OR2T27: variants seen among roughly 807,000 people sequenced by gnomAD.
OR2T27 encodes olfactory receptor 2T27.
For missense variants in OR2T27, 152 were observed against 397.2 expected (o/e 0.38, Z 5.25); for synonymous variants, 51 against 152.9 (o/e 0.33, Z 4.92).
intron 1 of OR2T27, among the ~76,000 whole-genome samples, chr1:248,652,137 GTT>G (rs1353393807): frequency 1.3e-5 from 2 of 149,768 alleles, no homozygotes; most frequent in African/African-American, 5.0e-5. Context: ...GTCCTCCAGA[GTT>G]AAACACACCA....
chr1:248,650,051 G>A lies in OR2T27; in HGVS notation c.834C>T (p.Tyr278=), dbSNP rs147773385. The change falls in exon 2 of 2, where the codon TAC becomes TAT. Residue 278 remains tyrosine, a synonymous_variant. Transcript: ENST00000460972. The part of the protein sequence containing the change: ...PEQDKAVSAF[Y]TILTPMLNPL... ...GATTGAGCATGGGAGTAAGGATGGT[G>A]TAGAAGGCAGATACAGCTTTGTCCT... 9,429 of 1,565,708 alleles carry A rather than the reference G, an allele frequency of 6.0e-3. 883 individuals carry two copies. In the African/African-American group the frequency reaches 0.13, roughly 22 times the overall value.
chr1:248,652,276 A>C (rs187207674), intron 1 of OR2T27, among the ~76,000 whole-genome samples: 1 of 151,100 alleles, frequency 6.6e-6, no homozygotes, highest in Non-Finnish European at 1.5e-5. Flanking sequence ...TTACGTTTCC[A>C]AACAACTTTG....
chr1:248,655,094 A>G (rs1395013738), intron 1 of OR2T27, among the ~76,000 whole-genome samples: 6 of 33,908 alleles, frequency 1.8e-4, no homozygotes, highest in African/African-American at 2.0e-4. Context: ...ACAAGGTGGA[A>G]TACTACGATT....
chr1:248,653,231 G>T (rs1262006837), intron 1 of OR2T27, among the ~76,000 whole-genome samples: 1 of 141,510 alleles, frequency 7.1e-6, no homozygotes, highest in African/African-American at 2.5e-5. Flanking sequence ...GGGGAGATAT[G>T]AGTGGCTCCA....
At chr1:248,652,853 TTTA>T (rs900144138) in intron 1 of OR2T27, among the ~76,000 whole-genome samples, 39 of 150,896 alleles carry the variant, frequency 2.6e-4, no homozygotes, top group African/African-American at 8.7e-4. Context: ...ATAATGTATC[TTTA>T]TTATTTTAAA....
intron 1 of OR2T27, among the ~76,000 whole-genome samples, chr1:248,653,617 G>A (rs1486154125): frequency 1.9e-5 from 1 of 52,966 alleles, no homozygotes; most frequent in South Asian, 2.0e-3. Context: ...TTATCACCAA[G>A]TTGTTAAATG....
In OR2T27 at chr1:248,649,986, G is replaced by A. The variant is rs1558180549; in HGVS notation, c.899C>T (p.Ala300Val). ...YSLRNKDVTG[A>V]LQKVVGRCVS... is the part of the protein sequence containing the mutation. ...ACACCTCCCCACAACCTTCTGTAGG[G>A]CCCCTGTGACATCCTTGTTCCTAAG... is the stretch of plus-strand genomic sequence containing the variant. The change falls in exon 2 of 2, where the codon GCC (alanine) becomes GTC (valine). Residue 300 changes from alanine (A) to valine (V), a missense_variant. Coordinates refer to ENST00000460972, the MANE Select transcript of OR2T27 (RefSeq NM_001001824.2). The A allele has an allele frequency of 1.9e-6, 3 of 1,578,286 alleles. 1 individual carries two copies. The highest frequency in any genetic ancestry group is 2.3e-5 in the East Asian group (1 of 43,546).
chr1:248,652,428 A>G (rs1167448963), intron 1 of OR2T27, among the ~76,000 whole-genome samples: 1 of 148,822 alleles, frequency 6.7e-6, no homozygotes, highest in Non-Finnish European at 1.5e-5. Flanking sequence ...TCATTCCATA[A>G]ATATTTCTCA....
At position 248,650,779 on chromosome 1, in the gene OR2T27, A is replaced by C. The variant is rs1782242; in HGVS notation, c.106T>G (p.Leu36Val). ...LLFALILLVF[L>V]TSIASNVVKI... ...ACCACGTTGCTGGCTATGGAGGTCA[A>C]AAAGACCAGGAGAATGAGGGCAAAG... The change falls in exon 2 of 2, where the codon TTG becomes GTG. Residue 36 changes from leucine to valine, a missense_variant. Physicochemically the swap from Leu to Val is conservative, Grantham distance 32. Transcript: ENST00000460972. The C allele has an allele frequency of 0.99, 1,589,423 of 1,604,912 alleles. 787,022 individuals are homozygous for C. Among genetic ancestry groups the C allele is most frequent in the East Asian group, 1 (44,704 of 44,704 alleles).
intron 1 of OR2T27, chr1:248,651,576 C>A (rs1661018779): frequency 1.9e-5 from 1 of 53,660 alleles, no homozygotes; most frequent in African/African-American, 3.4e-5. Context: ...CAGCAAACTA[C>A]CAATTATTAA....
chr1:248,649,978 T>A lies in OR2T27; in HGVS notation c.907A>T (p.Lys303Ter), dbSNP rs551078870. ...GAGGACACACACCTCCCCACAACCT[T>A]CTGTAGGGCCCCTGTGACATCCTTG... is the stretch of plus-strand genomic sequence containing the variant. ...RNKDVTGALQ[K>*]VVGRCVSSGK... Residue 303 changes from lysine to a stop codon, truncating the protein, a stop_gained, in exon 2 of 2, where the codon AAG becomes TAG. Coordinates refer to ENST00000460972, the MANE Select transcript of OR2T27 (RefSeq NM_001001824.2). LOFTEE classifies it low-confidence loss of function (END_TRUNC). The A allele has an allele frequency of 1.7e-5, 27 of 1,579,054 alleles. 3 individuals carry two copies. In the African/African-American group the frequency reaches 3.8e-4, roughly 22 times the overall value.
chr1:248,655,100 C>A lies in OR2T27; in HGVS notation c.-5+344G>T, dbSNP rs71642473. Among the ~76,000 whole-genome samples the A allele has an allele frequency of 1.5e-4, 5 of 33,786 alleles. 1 individual carries two copies. Among genetic ancestry groups the A allele is most frequent in the African/African-American group, 1.7e-4 (5 of 29,326 alleles). The allele number at this position is 33,786 out of a possible 152,430, so 22.2% of individuals were successfully genotyped here. A position where few individuals can be genotyped will look rare whatever the true frequency, so the allele number is the denominator to read the frequency against. On this transcript the variant is annotated intron_variant, in intron 1 of 1. Coordinates refer to ENST00000460972, the MANE Select transcript of OR2T27 (RefSeq NM_001001824.2). ...GGTACCTAAACAAGGTGGAATACTACGATTTAGATAAGCTCTTTATGAAGA... is the reference window on the plus strand; with the variant it reads ...GGTACCTAAACAAGGTGGAATACTAAGATTTAGATAAGCTCTTTATGAAGA...
In OR2T27 at chr1:248,650,016, T is replaced by C. The variant is rs139590588; in HGVS notation, c.869A>G (p.Tyr290Cys). Reference protein sequence around the residue: ...ILTPMLNPLIYSLRNKDVTGA... With the variant: ...ILTPMLNPLICSLRNKDVTGA... ...TGTGACATCCTTGTTCCTAAGGCTGTAAATGAGTGGATTGAGCATGGGAGT... is the reference window on the plus strand; with the variant it reads ...TGTGACATCCTTGTTCCTAAGGCTGCAAATGAGTGGATTGAGCATGGGAGT... Residue 290 changes from tyrosine (Y) to cysteine (C), a missense_variant, in exon 2 of 2, where the codon TAC becomes TGC. Physicochemically the swap from Tyr to Cys is radical, Grantham distance 194. Transcript: ENST00000460972. 429 of 1,578,196 alleles carry C rather than the reference T, an allele frequency of 2.7e-4. 39 individuals carry two copies. In the African/African-American group the frequency reaches 5.5e-3, roughly 20 times the overall value.
In OR2T27 at chr1:248,650,125, C is replaced by A. The variant is rs1399282963; in HGVS notation, c.760G>T (p.Ala254Ser). The A allele has an allele frequency of 1.9e-6, 3 of 1,569,036 alleles. No individual in the cohort carries two copies. In the African/African-American group the frequency reaches 4.2e-5, roughly 22 times the overall value. ...HMVVVSLFYG[A>S]AMYTYVLPHS... ...GGCAGCACGTATGTGTACATGGCAG[C>A]CCCATAGAAGAGGCTGACAACCACC... The change falls in exon 2 of 2, where the codon GCT (alanine) becomes TCT (serine). Residue 254 changes from alanine to serine, a missense_variant. By Grantham distance (99) the Ala-to-Ser change is moderately conservative (BLOSUM62 1). Coordinates refer to ENST00000460972, the MANE Select transcript of OR2T27 (RefSeq NM_001001824.2).
intron 1 of OR2T27, among the ~76,000 whole-genome samples, chr1:248,653,707 G>T (rs1442093335): frequency 2.3e-5 from 2 of 88,608 alleles, no homozygotes; most frequent in African/African-American, 5.7e-5. Context: ...TCACAATATG[G>T]ATTTGATTAT....
intron 1 of OR2T27, among the ~76,000 whole-genome samples, chr1:248,653,578 T>C (rs1244800508): frequency 3.1e-5 from 1 of 32,412 alleles, no homozygotes; most frequent in African/African-American, 3.4e-5. Flanking sequence ...GCATAATTCA[T>C]GGACAACGGT....
At chr1:248,652,090 G>A (rs1467432706) in intron 1 of OR2T27, among the ~76,000 whole-genome samples, 1 of 152,222 alleles carries the variant, frequency 6.6e-6, no homozygotes, top group East Asian at 1.9e-4. Context: ...AGTTATCCCT[G>A]AGAATATGAC....
intron 1 of OR2T27, among the ~76,000 whole-genome samples, chr1:248,651,988 T>G (rs747075247): frequency 5.9e-5 from 9 of 151,556 alleles, no homozygotes; most frequent in Admixed American, 2.0e-4. Context: ...AAAATTAGTT[T>G]CACCTATTTT....
chr1:248,653,807 GATTTTTA>G (rs1163481807), intron 1 of OR2T27, among the ~76,000 whole-genome samples: 1 of 30,804 alleles, frequency 3.2e-5, no homozygotes, highest in Non-Finnish European at 1.6e-3. Flanking sequence ...TTAGTCTATA[GATTTTTA>G]TTTTTTATTA....
Sources: allele counts gnomAD v4.1 joint callset (sites outside exome capture counted in the v4.1 genomes callset), GRCh38; gene constraint gnomAD v4.1.1; transcripts MANE v1.5; gene names NCBI Gene and HGNC (gene_info 2026-07-23, HGNC 2026-07-21).